The following SYNE1 variants were observed in gnomAD, a reference collection of about 807,000 sequenced individuals.
SYNE1 encodes the protein spectrin repeat containing nuclear envelope protein 1.
Under a neutral mutation model 1,111.0 loss-of-function variants are expected in SYNE1, and 616 were observed. The ratio of observed to expected loss-of-function variants is 0.55; its 90% CI spans 0.52 to 0.59. The LOEUF (loss-of-function observed/expected upper bound fraction) is 0.59, where lower values mean the gene tolerates loss of function less well. Ranked by LOEUF, SYNE1 falls within the 20% of genes least tolerant of loss-of-function variation. The probability of loss-of-function intolerance (pLI) is 0.00; values close to 1 mark genes in which losing one functional copy is unlikely to be tolerated. For synonymous variants in SYNE1, 3,855 were observed against 3,825.8 expected (o/e 1.01, Z -0.28); for missense variants, 10,006 against 10,417.0 (o/e 0.96, Z 1.72).
At chr6:152,619,052 AC>A (rs2099669038) in intron 3 of SYNE1, among the ~76,000 whole-genome samples, 1 of 151,714 alleles carries the variant, frequency 6.6e-6, no homozygotes, top group African/African-American at 2.4e-5. Flanking sequence ...AGAATCACAC[AC>A]ACACACACAC....
In SYNE1 at chr6:152,369,064, G is replaced by C. The variant is rs149901087; in HGVS notation, c.9715C>G (p.Gln3239Glu). 5.2e-4 allele frequency: 832 copies of C among 1,614,164 alleles called. 1 individual carries two copies. The highest frequency in any genetic ancestry group is 1.3e-3 in the Admixed American group (79 of 60,026). ...CTGGCAGCTTGTCCTTCCCACAGCT[G>C]CTGAGCTTTCTCTTTCAGCCTGTTG... Reference protein sequence around the residue: ...QLNRLKEKAQQLWEGQAASKS... With the variant: ...QLNRLKEKAQELWEGQAASKS... The change falls in exon 61 of 146, where the codon CAG becomes GAG. Residue 3239 changes from glutamine to glutamate, a missense_variant. By Grantham distance (29) the Gln-to-Glu change is conservative. Transcript: ENST00000367255.
chr6:152,390,546 A>C (rs567701396), intron 52 of SYNE1, 94 bp from the exon 53 acceptor site: 1 of 1,271,636 alleles, frequency 7.9e-7, no homozygotes, highest in South Asian at 1.3e-5. Context: ...TGAAGTAGGA[A>C]TACTTTACTT....
At position 152,618,145 on chromosome 6, in the gene SYNE1, G is replaced by A. The variant is rs1052220520; in HGVS notation, c.67+10120C>T. Among the ~76,000 whole-genome samples the A allele has an allele frequency of 2.0e-5, 3 of 152,108 alleles. No individual in the cohort carries two copies. The East Asian group carries it at 5.8e-4, about 29-fold the overall frequency. ...GGATGTGGTCTAGTTGAATTCCTACGTTTCTGGATGTATTGTAAGAATTCC... is the reference window on the plus strand; with the variant it reads ...GGATGTGGTCTAGTTGAATTCCTACATTTCTGGATGTATTGTAAGAATTCC... On this transcript the variant is annotated intron_variant, in intron 3 of 145. Coordinates refer to ENST00000367255, the MANE Select transcript of SYNE1 (RefSeq NM_182961.4).
chr6:152,172,317 T>G (rs971800283), intron 130 of SYNE1, among the ~76,000 whole-genome samples: 1 of 152,182 alleles, frequency 6.6e-6, no homozygotes, highest in Non-Finnish European at 1.5e-5. Flanking sequence ...ATGCTTTAGA[T>G]AGATGAGTTA....
chr6:152,542,163 G>A (rs1336734095), intron 3 of SYNE1, among the ~76,000 whole-genome samples: 1 of 152,124 alleles, frequency 6.6e-6, no homozygotes, highest in African/African-American at 2.4e-5. Flanking sequence ...CTCTGACCTT[G>A]TCTGTGCTTC....
intron 121 of SYNE1, among the ~76,000 whole-genome samples, chr6:152,217,993 C>T (rs1000064534): frequency 6.6e-6 from 1 of 151,898 alleles, no homozygotes; most frequent in Non-Finnish European, 1.5e-5. Flanking sequence ...GGCCTGACCT[C>T]GGGTGATCAG....
rs148957261 is a variant in SYNE1 at position 152,506,496 on chromosome 6, A to T, written c.582-1099T>A. 9.8e-4 allele frequency among the ~76,000 whole-genome samples: 149 copies of T among 152,182 alleles called. No individual in the cohort carries two copies. In the East Asian group the frequency reaches 0.022, roughly 23 times the overall value. On this transcript the variant is annotated intron_variant, in intron 8 of 145. Coordinates refer to ENST00000367255, the MANE Select transcript of SYNE1 (RefSeq NM_182961.4). Reference sequence around the variant, plus strand: ...AAAATACAACCTGAATGGTATGCTGATTAATATAATAAGTTTGTAAGTGTC... The same window carrying T: ...AAAATACAACCTGAATGGTATGCTGTTTAATATAATAAGTTTGTAAGTGTC...
At chr6:152,467,336 G>T (rs1310340949) in intron 16 of SYNE1, among the ~76,000 whole-genome samples, 2 of 151,902 alleles carry the variant, frequency 1.3e-5, no homozygotes, top group African/African-American at 4.8e-5. Flanking sequence ...GTTGAGAAAA[G>T]AATAATTTAC....
At chr6:152,507,209 A>C (rs550923699) in intron 8 of SYNE1, among the ~76,000 whole-genome samples, 1 of 152,226 alleles carries the variant, frequency 6.6e-6, no homozygotes, top group East Asian at 1.9e-4. Flanking sequence ...TTCCTCATTT[A>C]AAAATGTTTT....
intron 78 of SYNE1, among the ~76,000 whole-genome samples, chr6:152,328,832 G>C (rs13206045): frequency 0.13 from 19,449 of 152,144 alleles, 1,489 homozygotes; most frequent in Non-Finnish European, 0.16. Flanking sequence ...AAGTAATTAC[G>C]AGTATTCTAG....
At chr6:152,164,116 A>G (rs764650786) in intron 131 of SYNE1, 47 bp downstream of exon 131, 2 of 1,610,806 alleles carry the variant, frequency 1.2e-6, no homozygotes, top group Admixed American at 3.3e-5. Context: ...GGCCAGGAGG[A>G]CAGATATTCC....
Position 152,218,854 on chromosome 6 carries a change from C to T in SYNE1, c.22044+149G>A, listed in dbSNP as rs150101982. ...CGCAAAACGTCCACCTTCATCGTCC[C>T]CACCAGAACTTCCAAGTTTGTTTAC... is the stretch of plus-strand genomic sequence containing the variant. On this transcript the variant is annotated intron_variant, in intron 120 of 145. Coordinates refer to ENST00000367255, the MANE Select transcript of SYNE1 (RefSeq NM_182961.4). The T allele has an allele frequency of 1.2e-5, 10 of 858,122 alleles. No homozygotes were observed. In the Admixed American group the frequency reaches 2.1e-4, roughly 18 times the overall value. The allele number at this position is 858,122 out of a possible 1,614,324, so 53.2% of individuals were successfully genotyped here.
At chr6:152,408,514 C>T (rs962226941) in intron 44 of SYNE1, among the ~76,000 whole-genome samples, 1 of 152,086 alleles carries the variant, frequency 6.6e-6, no homozygotes, top group Non-Finnish European at 1.5e-5. Flanking sequence ...AGAGTTATAA[C>T]TTGTTATGAC....
chr6:152,532,802 A>G (rs1330957968), intron 4 of SYNE1, among the ~76,000 whole-genome samples: 1 of 152,158 alleles, frequency 6.6e-6, no homozygotes, highest in African/African-American at 2.4e-5. Flanking sequence ...GAGATTGTAT[A>G]TGTAGAAAAA....
intron 43 of SYNE1, 93 bp from the exon 44 acceptor site, chr6:152,409,319 A>G (rs1430476007): frequency 3.8e-6 from 5 of 1,320,748 alleles, no homozygotes; most frequent in Non-Finnish European, 5.3e-6. Flanking sequence ...TTCATAATTG[A>G]CCTTATGCAG....
chr6:152,372,913 G>T (rs2097213390), intron 59 of SYNE1, 124 bp downstream of exon 59: 3 of 1,028,662 alleles, frequency 2.9e-6, no homozygotes, highest in African/African-American at 3.1e-5. Context: ...GTCTTCTTAT[G>T]TTCTGAGAGG....
At chr6:152,299,390 T>TC (rs2095053214) in intron 93 of SYNE1, among the ~76,000 whole-genome samples, 1 of 152,178 alleles carries the variant, frequency 6.6e-6, no homozygotes, top group South Asian at 2.1e-4. Context: ...TTTCCCAAAT[T>TC]CCCCACGGCT....
rs756594812 is a variant in SYNE1 at position 152,444,402 on chromosome 6, C to T, written c.3837+9G>A. ...ACATAATCTTGTTGGAAGAAAGAGG[C>T]ATTTTTACCTGGTGATGAAGAAGTA... On this transcript the variant is annotated intron_variant, in intron 30 of 145. Transcript: ENST00000367255. 2 of 1,613,320 alleles carry T rather than the reference C, an allele frequency of 1.2e-6. No individual in the cohort carries two copies. Among genetic ancestry groups the T allele is most frequent in the East Asian group, 2.2e-5 (1 of 44,828 alleles).
At chr6:152,453,211 G>T (rs1337217947) in intron 25 of SYNE1, among the ~76,000 whole-genome samples, 1 of 151,182 alleles carries the variant, frequency 6.6e-6, no homozygotes, top group Non-Finnish European at 1.5e-5. Flanking sequence ...ATCTTTGGGG[G>T]GCAGAAACTA....
Sources: allele counts gnomAD v4.1 joint callset (sites outside exome capture counted in the v4.1 genomes callset), GRCh38; gene constraint gnomAD v4.1.1; transcripts MANE v1.5; gene names NCBI Gene and HGNC (gene_info 2026-07-23, HGNC 2026-07-21).